Variants in DLC1 observed in about 807,000 individuals in gnomAD.
DLC1 encodes rho GTPase-activating protein 7.
DLC1 carries 54 observed loss-of-function variants against 140.3 expected under a neutral mutation model. That is an observed-to-expected ratio of 0.38 (90% CI 0.31 to 0.48). The LOEUF (loss-of-function observed/expected upper bound fraction) is 0.48, where lower values mean the gene tolerates loss of function less well. Ranked by LOEUF, DLC1 falls within the 20% of genes least tolerant of loss-of-function variation. DLC1 has a pLI of 0.96. For missense variants in DLC1, 2,536 were observed against 1,907.0 expected (o/e 1.33, Z -6.14); for synonymous variants, 986 against 728.1 (o/e 1.35, Z -5.70).
chr8:13,259,097 A>G (rs1392101645), intron 5 of DLC1, among the ~76,000 whole-genome samples: 2 of 148,362 alleles, frequency 1.3e-5, no homozygotes, highest in Non-Finnish European at 3.0e-5. Context: ...AGATCACACC[A>G]TTGCACTCCA....
At chr8:13,460,355 G>C (rs553665423) in intron 2 of DLC1, among the ~76,000 whole-genome samples, 18 of 152,292 alleles carry the variant, frequency 1.2e-4, no homozygotes, top group African/African-American at 4.3e-4. Context: ...AACATTGACT[G>C]TCTTACTAAA....
intron 2 of DLC1, among the ~76,000 whole-genome samples, chr8:13,418,613 T>C (rs180715873): frequency 6.6e-6 from 1 of 152,348 alleles, no homozygotes; most frequent in African/African-American, 2.4e-5. Context: ...TTTTGGTTAC[T>C]GTAGGCTTGT....
At chr8:13,496,506 T>G (rs1487430081) in intron 2 of DLC1, among the ~76,000 whole-genome samples, 1 of 152,028 alleles carries the variant, frequency 6.6e-6, no homozygotes, top group Non-Finnish European at 1.5e-5. Context: ...TTTGTGCCTA[T>G]TTAGCCAGGA....
At chr8:13,222,215 C>A (rs527855878) in intron 5 of DLC1, among the ~76,000 whole-genome samples, 20 of 151,920 alleles carry the variant, frequency 1.3e-4, no homozygotes, top group African/African-American at 4.8e-4. Context: ...TATGTAAAAT[C>A]ATTTAATCAC....
chr8:13,168,531 G>A (rs533324960), intron 5 of DLC1, among the ~76,000 whole-genome samples: 6 of 152,214 alleles, frequency 3.9e-5, no homozygotes, highest in South Asian at 2.1e-4. Context: ...CTTAAAATAC[G>A]TAGATTAATG....
At chr8:13,417,902 C>T (rs1469020964) in intron 2 of DLC1, among the ~76,000 whole-genome samples, 2 of 152,180 alleles carry the variant, frequency 1.3e-5, no homozygotes, top group African/African-American at 2.4e-5. Flanking sequence ...TGATTGCCGT[C>T]ATTCTAACTC....
At chr8:13,192,806 G>A (rs1454369196) in intron 5 of DLC1, among the ~76,000 whole-genome samples, 1 of 152,208 alleles carries the variant, frequency 6.6e-6, no homozygotes, top group African/African-American at 2.4e-5. Context: ...CCCTCTGAGG[G>A]CAAAGCAGAG....
At chr8:13,173,019 C>T (rs77574710) in intron 5 of DLC1, among the ~76,000 whole-genome samples, 18,348 of 152,202 alleles carry the variant, frequency 0.12, 1,187 homozygotes, top group South Asian at 0.19. Context: ...ATTGATACAG[C>T]ATTTTGTCCT....
chr8:13,510,785 T>C (rs1466374208), intron 1 of DLC1, among the ~76,000 whole-genome samples: 1 of 152,222 alleles, frequency 6.6e-6, no homozygotes, highest in Non-Finnish European at 1.5e-5. Context: ...TGCTTCCTTC[T>C]GGTGCTTAAT....
At chr8:13,374,238 A>T (rs1041380870) in intron 4 of DLC1, among the ~76,000 whole-genome samples, 2 of 152,194 alleles carry the variant, frequency 1.3e-5, no homozygotes, top group Non-Finnish European at 2.9e-5. Context: ...GAGCTCTCCA[A>T]ATCCAAGCTT....
chr8:13,430,949 C>A (rs1470895202), intron 2 of DLC1, among the ~76,000 whole-genome samples: 1 of 152,122 alleles, frequency 6.6e-6, no homozygotes, highest in East Asian at 1.9e-4. Flanking sequence ...TAATTGCTAT[C>A]CTATGAAGTC....
intron 4 of DLC1, among the ~76,000 whole-genome samples, chr8:13,392,115 G>C (rs1836789597): frequency 6.6e-6 from 1 of 152,120 alleles, no homozygotes; most frequent in Non-Finnish European, 1.5e-5. Context: ...ACACATTACT[G>C]TTGATTTTTC....
chr8:13,438,530 A>C (rs184475727), intron 2 of DLC1, among the ~76,000 whole-genome samples: 2 of 152,126 alleles, frequency 1.3e-5, no homozygotes, highest in African/African-American at 4.8e-5. Context: ...ATCCTGATTT[A>C]CTGTAGCTGA....
chr8:13,086,265 TA>T (rs768699643), intron 17 of DLC1, 24 bp downstream of exon 17: 8 of 1,602,812 alleles, frequency 5.0e-6, no homozygotes, highest in Non-Finnish European at 6.0e-6. Context: ...CCTCACCATA[TA>T]AAAAAATCAG....
intron 2 of DLC1, among the ~76,000 whole-genome samples, chr8:13,460,065 A>G (rs914334101): frequency 3.3e-5 from 5 of 152,316 alleles, no homozygotes; most frequent in Middle Eastern, 3.4e-3. Flanking sequence ...TCACTGCTGC[A>G]GGACTGGCAT....
chr8:13,370,340 C>T (rs563033530), intron 4 of DLC1, among the ~76,000 whole-genome samples: 1 of 152,216 alleles, frequency 6.6e-6, no homozygotes, highest in East Asian at 1.9e-4. Flanking sequence ...ACTTGACATA[C>T]AGTAGGTGTT....
At chr8:13,523,161 G>A (rs1802811910) in intron 1 of DLC1, among the ~76,000 whole-genome samples, 1 of 152,164 alleles carries the variant, frequency 6.6e-6, no homozygotes, top group African/African-American at 2.4e-5. Flanking sequence ...AGAATTTAGA[G>A]CCAAAGTAGG....
chr8:13,545,374 C>G (rs1296923602), intron 1 of DLC1, among the ~76,000 whole-genome samples: 1 of 151,624 alleles, frequency 6.6e-6, no homozygotes, highest in Non-Finnish European at 1.5e-5. Context: ...TTGGAAAGCT[C>G]CAGCTGCATA....
At chr8:13,090,926 T>C (rs1818008769) in intron 14 of DLC1, among the ~76,000 whole-genome samples, 1 of 151,292 alleles carries the variant, frequency 6.6e-6, no homozygotes, top group Admixed American at 6.6e-5. Flanking sequence ...CACCTCAGCC[T>C]CCCAAGTAGT....
Sources: allele counts gnomAD v4.1 joint callset (sites outside exome capture counted in the v4.1 genomes callset), GRCh38; gene constraint gnomAD v4.1.1; transcripts MANE v1.5; gene names NCBI Gene and HGNC (gene_info 2026-07-23, HGNC 2026-07-21).